Variants in LRRIQ1 observed in about 807,000 individuals in gnomAD.
LRRIQ1 encodes leucine-rich repeat- and IQ domain-containing protein 1.
Under a neutral mutation model 211.9 loss-of-function variants are expected in LRRIQ1, and 210 were observed. The ratio of observed to expected loss-of-function variants is 0.99; its 90% confidence interval spans 0.89 to 1.11. LRRIQ1 has a LOEUF of 1.11. Among genes scored for constraint, LRRIQ1 ranks in the 50% most tolerant of loss-of-function variants. LRRIQ1 has a pLI of 0.00. For missense variants in LRRIQ1, 2,136 were observed against 1,939.5 expected (o/e 1.10, Z -1.90); for synonymous variants, 699 against 650.1 (o/e 1.08, Z -1.14).
At chr12:85,212,064 T>C (rs759102994) in intron 24 of LRRIQ1, among the ~76,000 whole-genome samples, 14 of 151,828 alleles carry the variant, frequency 9.2e-5, no homozygotes, top group Non-Finnish European at 2.1e-4. Flanking sequence ...TCCAGGAGTT[T>C]GAGACTAGCC....
At chr12:85,200,945 G>C (rs1287992933) in intron 24 of LRRIQ1, among the ~76,000 whole-genome samples, 1 of 151,626 alleles carries the variant, frequency 6.6e-6, no homozygotes, top group Non-Finnish European at 1.5e-5. Flanking sequence ...TCAGCCTCCC[G>C]AGTAGCTGGG....
chr12:85,066,569 A>G (rs1882454336), intron 9 of LRRIQ1, among the ~76,000 whole-genome samples, 179 bp from the exon 10 acceptor site: 1 of 151,554 alleles, frequency 6.6e-6, no homozygotes, highest in Non-Finnish European at 1.5e-5. Context: ...ATTATTTATT[A>G]GTTTACCTAA....
intron 24 of LRRIQ1, among the ~76,000 whole-genome samples, chr12:85,208,024 T>A (rs1356936725): frequency 6.6e-6 from 1 of 152,054 alleles, no homozygotes; most frequent in Non-Finnish European, 1.5e-5. Context: ...TTCCTTTTTT[T>A]TTCAAATTTA....
At chr12:85,122,324 C>T (rs1021114557) in intron 16 of LRRIQ1, among the ~76,000 whole-genome samples, 2 of 151,970 alleles carry the variant, frequency 1.3e-5, no homozygotes, top group African/African-American at 4.8e-5. Flanking sequence ...CATATACTTA[C>T]GTATCAAGGT....
intron 6 of LRRIQ1, chr12:85,047,903 A>G (rs544104246): frequency 1.3e-5 from 2 of 157,566 alleles, no homozygotes; most frequent in Non-Finnish European, 2.8e-5. Context: ...CCCCACCTTC[A>G]TAATTAAGCT....
intron 24 of LRRIQ1, among the ~76,000 whole-genome samples, chr12:85,200,924 A>G (rs1041951444): frequency 3.3e-5 from 5 of 151,854 alleles, no homozygotes; most frequent in African/African-American, 1.2e-4. Context: ...GGTTCCAGCG[A>G]TCTTCATGCC....
intron 24 of LRRIQ1, among the ~76,000 whole-genome samples, chr12:85,225,784 G>A (rs974958459): frequency 1.3e-5 from 2 of 152,180 alleles, no homozygotes; most frequent in Admixed American, 6.5e-5. Context: ...ATAAGTATCC[G>A]TTAATTTATC....
chr12:85,153,634 A>G, intron 21 of LRRIQ1, 29 bp from the exon 22 acceptor site: 1 of 1,389,896 alleles, frequency 7.2e-7, no homozygotes, highest in Non-Finnish European at 1.0e-6. Flanking sequence ...GTGTTGATTC[A>G]GTTAAAAGTG....
At chr12:85,145,006 A>G (rs908279938) in intron 19 of LRRIQ1, among the ~76,000 whole-genome samples, 2 of 151,382 alleles carry the variant, frequency 1.3e-5, no homozygotes, top group Non-Finnish European at 3.0e-5. Flanking sequence ...TTACCTGACG[A>G]GGATTTCCCT....
At chr12:85,123,221 AT>A (rs950268611) in intron 16 of LRRIQ1, among the ~76,000 whole-genome samples, 7 of 152,056 alleles carry the variant, frequency 4.6e-5, no homozygotes, top group Non-Finnish European at 8.8e-5. Context: ...TTGTCTCTAC[AT>A]TTTTGGAAAT....
chr12:85,179,967 T>G (rs1344112909), intron 24 of LRRIQ1, among the ~76,000 whole-genome samples: 1 of 152,012 alleles, frequency 6.6e-6, no homozygotes, highest in East Asian at 1.9e-4. Context: ...TCATCTATAC[T>G]AGGCACTCAA....
Position 85,208,963 on chromosome 12 carries a change from T to C in LRRIQ1, c.4823-20554T>C, listed in dbSNP as rs1309977491. ...ATATATTAGCAAGCATTCTTGACCC[T>C]TTTGAACACATAGAGCACTCAGCTA... On this transcript the variant is annotated intron_variant, in intron 24 of 26. Transcript: ENST00000393217. Among the ~76,000 whole-genome samples, 6 of 152,180 alleles carry C rather than the reference T, an allele frequency of 3.9e-5. No homozygotes were observed. In the East Asian group the frequency reaches 1.2e-3, roughly 29 times the overall value.
At chr12:85,047,087 C>T (rs993225817) in intron 5 of LRRIQ1, among the ~76,000 whole-genome samples, 160 bp from the exon 6 acceptor site, 1 of 151,896 alleles carries the variant, frequency 6.6e-6, no homozygotes, top group Admixed American at 6.6e-5. Context: ...ACCAACATGG[C>T]ACATGTATAC....
chr12:85,217,730 GTA>G (rs1232173896), intron 24 of LRRIQ1, among the ~76,000 whole-genome samples: 5 of 144,172 alleles, frequency 3.5e-5, no homozygotes, highest in East Asian at 3.9e-4. Flanking sequence ...GTATATATGT[GTA>G]TATATATGTA....
rs538364343 is a variant in LRRIQ1 at position 85,127,809 on chromosome 12, G to GT, written c.4008-14dup. On this transcript the variant is annotated intron_variant, in intron 17 of 26. Coordinates refer to ENST00000393217, the MANE Select transcript of LRRIQ1 (RefSeq NM_001079910.2). ...TTTACAGATAATAAAAAAAGTGTGT[G>GT]TTTTTTTTTCTCCTCTTAATAGTAT... 2,242 of 1,521,280 alleles carry GT rather than the reference G, an allele frequency of 1.5e-3. 1 individual carries two copies. The highest frequency in any genetic ancestry group is 4.8e-3 in the African/African-American group (349 of 72,290). The allele number at this position is 1,521,280 out of a possible 1,614,324, so 94.2% of individuals were successfully genotyped here.
At chr12:85,106,636 C>G in intron 15 of LRRIQ1, 21 bp downstream of exon 15, 1 of 1,471,386 alleles carries the variant, frequency 6.8e-7, no homozygotes. Context: ...ATTGTTGCAC[C>G]CCATGTATAT....
intron 1 of LRRIQ1, among the ~76,000 whole-genome samples, chr12:85,036,613 G>A (rs1878119098): frequency 6.6e-6 from 1 of 152,110 alleles, no homozygotes. Context: ...TTAAAGAGAT[G>A]TCTTGGCTAT....
intron 23 of LRRIQ1, 139 bp from the exon 24 acceptor site, chr12:85,160,474 A>G (rs868183382): frequency 4.0e-6 from 2 of 500,624 alleles, no homozygotes; most frequent in South Asian, 3.4e-5. Flanking sequence ...ATGAAGCTTA[A>G]TATAACATCA....
At chr12:85,076,036 A>T (rs947141794) in intron 11 of LRRIQ1, among the ~76,000 whole-genome samples, 1 of 152,238 alleles carries the variant, frequency 6.6e-6, no homozygotes, top group South Asian at 2.1e-4. Context: ...TTTTAAATAA[A>T]TATACATTTC....
Sources: gnomAD v4.1 joint callset for allele counts (sites outside exome capture counted in the v4.1 genomes callset) on GRCh38, gnomAD v4.1.1 for gene constraint, MANE v1.5 for transcripts, NCBI Gene and HGNC (gene_info 2026-07-23, HGNC 2026-07-21) for gene names.